The following SVOPL variants were observed in gnomAD, a reference collection of about 807,000 sequenced individuals.
SVOPL encodes putative transporter SVOPL.
A neutral mutation model predicts 61.0 loss-of-function variants in SVOPL; 60 were observed. That is an observed-to-expected ratio of 0.98 (90% CI 0.80 to 1.22). The LOEUF is 1.22. SVOPL is among the 50% of genes most tolerant of loss of function. The pLI, the probability that SVOPL is intolerant of heterozygous loss-of-function variation, is 0.00. For missense variants in SVOPL, 662 were observed against 643.9 expected (o/e 1.03, Z -0.30); for synonymous variants, 279 against 250.0 (o/e 1.12, Z -1.09).
intron 4 of SVOPL, among the ~76,000 whole-genome samples, chr7:138,668,721 C>G (rs1802337912): frequency 6.6e-6 from 1 of 152,232 alleles, no homozygotes; most frequent in Non-Finnish European, 1.5e-5. Flanking sequence ...TTGGTTAACA[C>G]AGTGAGTGAC....
chr7:138,612,417 A>AAAAAAT (rs1799079088), intron 14 of SVOPL, among the ~76,000 whole-genome samples: 1 of 40,122 alleles, frequency 2.5e-5, no homozygotes, highest in African/African-American at 8.4e-5. Flanking sequence ...AAAAAAAAAA[A>AAAAAAT]AAAAAATAAA....
intron 3 of SVOPL, among the ~76,000 whole-genome samples, chr7:138,676,213 A>G (rs1205573462): frequency 1.3e-5 from 2 of 152,190 alleles, no homozygotes; most frequent in African/African-American, 4.8e-5. Context: ...AGACATCACC[A>G]CTGTTGTGAA....
chr7:138,640,502 A>G (rs1659800), intron 9 of SVOPL, among the ~76,000 whole-genome samples: 47,563 of 152,108 alleles, frequency 0.31, 9,136 homozygotes, highest in African/African-American at 0.54. Context: ...CACCCACCTC[A>G]GTCTCTCAAA....
In SVOPL at chr7:138,693,529, AAAAGAAAGAAAGAAAGAAAGAAAGAAAG is replaced by A. The variant is rs745407235; in HGVS notation, c.-35+7621_-35+7648del. Among the ~76,000 whole-genome samples the A allele has an allele frequency of 1.5e-3, 180 of 117,192 alleles. 6 individuals carry two copies. Among genetic ancestry groups the A allele is most frequent in the Admixed American group, 0.014 (132 of 9,348 alleles). 76.9% of individuals were successfully genotyped at this position (117,192 alleles called of 152,430 possible). ...AAGGAAAGAAAGAAGAAAAGAAAGA[AAAAGAAAGAAAGAAAGAAAGAAAGAAAG>A]AAAGAAAGAAAGAAAGAAAAAAGGA... On this transcript the variant is annotated intron_variant, in intron 1 of 15. Transcript: ENST00000674285.
At chr7:138,626,968 G>A (rs1156689089) in intron 12 of SVOPL, among the ~76,000 whole-genome samples, 2 of 152,168 alleles carry the variant, frequency 1.3e-5, no homozygotes, top group Non-Finnish European at 2.9e-5. Context: ...CAATTTAGGA[G>A]TGAAATGAGC....
chr7:138,628,496 CAG>C, intron 10 of SVOPL, 133 bp from the exon 11 acceptor site: 1 of 850,332 alleles, frequency 1.2e-6, no homozygotes. Context: ...AGACGCCACA[CAG>C]AGCATTCGTG....
intron 1 of SVOPL, among the ~76,000 whole-genome samples, chr7:138,686,571 T>G (rs796865816): frequency 1.8e-3 from 276 of 149,206 alleles, no homozygotes; most frequent in East Asian, 0.01. Flanking sequence ...GGTTTTTTTT[T>G]TTTTTTTTTT....
chr7:138,670,994 T>C (rs1181351760), intron 4 of SVOPL, among the ~76,000 whole-genome samples: 1 of 152,222 alleles, frequency 6.6e-6, no homozygotes, highest in East Asian at 1.9e-4. Flanking sequence ...CAGAAATATA[T>C]AATGACTATG....
rs117966567 is a variant in SVOPL, at chr7:138,601,328, A to C, written c.1354-4798T>G. On this transcript the variant is annotated intron_variant, in intron 14 of 15. Transcript: ENST00000674285. ...CACTCCTACCACAAATGCTCATTGC[A>C]GCATTATTCACAGCAGTCAAAATAT... Among the ~76,000 whole-genome samples the C allele has an allele frequency of 7.7e-3, 1,165 of 152,186 alleles. 15 individuals carry two copies. Among genetic ancestry groups the C allele is most frequent in the South Asian group, 0.046 (220 of 4,826 alleles).
intron 9 of SVOPL, among the ~76,000 whole-genome samples, chr7:138,635,855 T>C (rs1445426099): frequency 6.6e-6 from 1 of 152,046 alleles, no homozygotes; most frequent in Non-Finnish European, 1.5e-5. Context: ...TATAAAGCTA[T>C]AAAAATACTT....
intron 14 of SVOPL, among the ~76,000 whole-genome samples, chr7:138,616,847 T>C (rs1005135924): frequency 1.3e-5 from 2 of 152,188 alleles, no homozygotes; most frequent in African/African-American, 4.8e-5. Context: ...AGTGCAGTGG[T>C]GCAAACATAG....
chr7:138,697,482 C>A (rs1803087539), intron 1 of SVOPL, among the ~76,000 whole-genome samples: 1 of 151,550 alleles, frequency 6.6e-6, no homozygotes. Context: ...GTGGCACGTG[C>A]CTGTGGTCCC....
chr7:138,641,198 C>T (rs550011932), intron 9 of SVOPL, among the ~76,000 whole-genome samples: 1 of 115,734 alleles, frequency 8.6e-6, no homozygotes, highest in South Asian at 2.7e-4. Context: ...GACCCCATCA[C>T]AAAAAATAAC....
intron 8 of SVOPL, 91 bp downstream of exon 8, chr7:138,648,921 C>G: frequency 6.4e-7 from 1 of 1,569,616 alleles, no homozygotes; most frequent in Admixed American, 1.8e-5. Flanking sequence ...GACTCTGTCT[C>G]GAGGGGGAAA....
intron 7 of SVOPL, 36 bp from the exon 8 acceptor site, chr7:138,649,173 G>A (rs775321962): frequency 3.9e-6 from 6 of 1,550,588 alleles, no homozygotes; most frequent in Non-Finnish European, 5.2e-6. Flanking sequence ...AAGTTCTTTG[G>A]GGAATTATGA....
chr7:138,609,379 G>T (rs1255152958), intron 14 of SVOPL, among the ~76,000 whole-genome samples: 1 of 151,606 alleles, frequency 6.6e-6, no homozygotes, highest in East Asian at 1.9e-4. Context: ...GGGCCCGATG[G>T]CTCACGCCTG....
chr7:138,632,694 A>G (rs544494316), intron 9 of SVOPL, among the ~76,000 whole-genome samples: 1 of 147,068 alleles, frequency 6.8e-6, no homozygotes, highest in African/African-American at 2.5e-5. Context: ...GAGAATGTGC[A>G]GGGAAGATGG....
intron 14 of SVOPL, among the ~76,000 whole-genome samples, chr7:138,608,697 C>T (rs566514761): frequency 1.3e-5 from 2 of 152,230 alleles, no homozygotes; most frequent in South Asian, 4.2e-4. Flanking sequence ...CACTCCCCCC[C>T]CTTGCCCTCT....
At chr7:138,662,217 T>TAATG in intron 5 of SVOPL, 1 of 985,518 alleles carries the variant, frequency 1.0e-6, no homozygotes, top group Non-Finnish European at 1.2e-6. Flanking sequence ...AGGTTTGGCT[T>TAATG]AATGGTCTTG....
Sources: allele counts gnomAD v4.1 joint callset (sites outside exome capture counted in the v4.1 genomes callset), GRCh38; gene constraint gnomAD v4.1.1; transcripts MANE v1.5; gene names NCBI Gene and HGNC (gene_info 2026-07-23, HGNC 2026-07-21).